Variants in GSE1 observed in about 807,000 individuals in gnomAD.
The protein encoded by GSE1 is genetic suppressor element 1.
In GSE1, 32 loss-of-function variants were observed where a neutral mutation model predicts 112.6. The ratio of observed to expected loss-of-function variants is 0.28; its 90% CI spans 0.21 to 0.38. The LOEUF (loss-of-function observed/expected upper bound fraction) is 0.38. Among genes scored for constraint, GSE1 ranks in the 10% least tolerant of loss-of-function variants. GSE1 has a pLI of 1.00. For synonymous variants in GSE1, 1,115 were observed against 735.6 expected, an observed-to-expected ratio of 1.52 and a Z score of -8.35; for missense variants, 2,348 against 1,699.2, an observed-to-expected ratio of 1.38 and a Z score of -6.71.
At position 85,305,204 on chromosome 16, in the gene GSE1, T is replaced by G. The variant is rs570702101; in HGVS notation, c.2284-52259T>G. ...CACGTGAGAATCACCTGGAGAGCTC[T>G]CCACAAAATACTGATGTCCTGGCCT... On this transcript the variant is annotated intron_variant, in intron 1 of 2. Coordinates refer to the GSE1 transcript ENST00000637419. Among the ~76,000 whole-genome samples, 177 of 152,316 alleles carry G rather than the reference T, an allele frequency of 1.2e-3. 2 individuals carry two copies. Among genetic ancestry groups the G allele is most frequent in the African/African-American group, 4.0e-3 (168 of 41,576 alleles).
chr16:85,465,079 G>A (rs1223178461), intron 2 of GSE1, among the ~76,000 whole-genome samples: 4 of 152,192 alleles, frequency 2.6e-5, no homozygotes, highest in South Asian at 4.1e-4. Context: ...TCAGGGTCAC[G>A]CCCCCAGCCA....
At chr16:85,187,473 C>T (rs775020191) in intron 1 of GSE1, among the ~76,000 whole-genome samples, 1 of 152,228 alleles carries the variant, frequency 6.6e-6, no homozygotes, top group Admixed American at 6.5e-5. Context: ...AAGTTTTTCC[C>T]GTGACGAAGC....
chr16:85,319,226 A>G (rs2151495529), intron 1 of GSE1, among the ~76,000 whole-genome samples: 1 of 152,374 alleles, frequency 6.6e-6, no homozygotes, highest in East Asian at 1.9e-4. Context: ...ATCAGTTGTC[A>G]GAAATTTGTG....
intron 1 of GSE1, among the ~76,000 whole-genome samples, chr16:85,291,459 G>A (rs1414618673): frequency 6.6e-6 from 1 of 152,122 alleles, no homozygotes; most frequent in Non-Finnish European, 1.5e-5. Flanking sequence ...AGGGGACGCC[G>A]CCCTCCCCAG....
intron 2 of GSE1, among the ~76,000 whole-genome samples, chr16:85,395,392 A>G (rs1490647026): frequency 1.3e-5 from 2 of 152,162 alleles, no homozygotes; most frequent in African/African-American, 2.4e-5. Context: ...GAAGGACCAT[A>G]GGAATCTCCC....
At chr16:85,538,201 G>A (rs760598109) in intron 2 of GSE1, among the ~76,000 whole-genome samples, 1 of 152,202 alleles carries the variant, frequency 6.6e-6, no homozygotes, top group African/African-American at 2.4e-5. Flanking sequence ...GTGGCCGCCC[G>A]GCTGGCCCGC....
chr16:85,554,795 A>G (rs549052101), upstream of GSE1: 838 of 679,464 alleles, frequency 1.2e-3, 1 homozygote, highest in Admixed American at 5.2e-3. Context: ...GGGAGGGAGG[A>G]CGGACGGGCG....
intron 1 of GSE1, among the ~76,000 whole-genome samples, chr16:85,624,982 A>G (rs1294008771): frequency 1.2e-4 from 18 of 152,222 alleles, no homozygotes; most frequent in Admixed American, 7.2e-4. Context: ...AAGTAAGGGT[A>G]CAGGTAGCCG....
chr16:85,602,251 G>A (rs937976665), intron 1 of GSE1, among the ~76,000 whole-genome samples: 25 of 152,168 alleles, frequency 1.6e-4, no homozygotes, highest in Admixed American at 1.6e-3. Flanking sequence ...GCGGGGGCCA[G>A]GCAGGGAGGA....
Position 85,658,112 on chromosome 16 carries a change from CTG to C in GSE1, c.1640+513_1640+514del, listed in dbSNP as rs557222004. ...CTTTATGAAAGCATTTCCCAGGAAA[CTG>C]TGTGGTGGTCCCTTGGACCCCGGCT... On this transcript the variant is annotated intron_variant, in intron 8 of 15. Coordinates refer to ENST00000253458, the MANE Select transcript of GSE1 (RefSeq NM_014615.5). Among the ~76,000 whole-genome samples, 15 of 152,330 alleles carry C rather than the reference CTG, an allele frequency of 9.8e-5. No homozygotes were observed. In the South Asian group the frequency reaches 2.5e-3, roughly 25 times the overall value.
chr16:85,568,678 C>G (rs1457571863), intron 1 of GSE1, among the ~76,000 whole-genome samples: 2 of 152,154 alleles, frequency 1.3e-5, no homozygotes, highest in Non-Finnish European at 2.9e-5. Flanking sequence ...CTTGGGAAAC[C>G]CTTCCCCATT....
intron 1 of GSE1, among the ~76,000 whole-genome samples, chr16:85,236,853 G>T (rs73257946): frequency 3.1e-3 from 465 of 152,138 alleles, no homozygotes; most frequent in African/African-American, 0.011. Context: ...TGGGACCTCT[G>T]CCTGGCTCCC....
Position 85,665,096 on chromosome 16 carries a change from C to T in GSE1, c.2726C>T (p.Ser909Phe), listed in dbSNP as rs373929359. 40 of 1,610,008 alleles carry T rather than the reference C, an allele frequency of 2.5e-5. No individual in the cohort carries two copies. The highest frequency in any genetic ancestry group is 3.4e-6 in the Non-Finnish European group (4 of 1,176,708). ...GCAGTGGCCGACTCCTTGACAAACT[C>T]TCCGAGGGACAGTCCTGCCGTCTCC... is the stretch of plus-strand genomic sequence containing the variant. ...SAAVADSLTN[S>F]PRDSPAVSLS... The change falls in exon 12 of 16, where the codon TCT becomes TTT. Residue 909 changes from serine (S) to phenylalanine (F), a missense_variant. Physicochemically the swap from Ser to Phe is radical, Grantham distance 155. Coordinates refer to ENST00000253458, the MANE Select transcript of GSE1 (RefSeq NM_014615.5).
chr16:85,412,787 C>T (rs1030877571), intron 2 of GSE1, among the ~76,000 whole-genome samples: 3 of 152,134 alleles, frequency 2.0e-5, no homozygotes, highest in African/African-American at 7.2e-5. Context: ...TCGCTGACCT[C>T]TCCAGTGCAA....
At chr16:85,358,217 G>A (rs1264014187) in intron 2 of GSE1, among the ~76,000 whole-genome samples, 2 of 152,194 alleles carry the variant, frequency 1.3e-5, no homozygotes, top group South Asian at 2.1e-4. Context: ...GAGGCCAGGC[G>A]AGGCTGTGCC....
intron 1 of GSE1, among the ~76,000 whole-genome samples, chr16:85,575,320 A>C (rs1305632077): frequency 1.3e-5 from 2 of 152,116 alleles, no homozygotes; most frequent in African/African-American, 4.8e-5. Flanking sequence ...TTACCCGGGG[A>C]GTTCTGGCGG....
intron 1 of GSE1, among the ~76,000 whole-genome samples, chr16:85,622,831 G>A (rs567168980): frequency 6.6e-6 from 1 of 152,198 alleles, no homozygotes; most frequent in Non-Finnish European, 1.5e-5. Flanking sequence ...TGGAGTTACC[G>A]TGTCGATGAC....
chr16:85,276,066 C>G (rs9941031), intron 1 of GSE1, among the ~76,000 whole-genome samples: 17,496 of 152,256 alleles, frequency 0.11, 2,360 homozygotes, highest in African/African-American at 0.33. Flanking sequence ...AAAAGATGGT[C>G]CTGGTAGATT....
chr16:85,668,261 G>A lies in GSE1; in HGVS notation c.3252G>A (p.Glu1084=), dbSNP rs2053043661. The change falls in exon 14 of 16, where the codon GAG becomes GAA. Residue 1084 remains glutamate, a synonymous_variant. Transcript: ENST00000253458. ...CACCCCAGCACAATGGGCAGCAGGA[G>A]CCCCCCACTGCAAGGAAGGGCCCCC... ...APPPQHNGQQ[E]PPTARKGPPT... is the part of the protein sequence containing the mutation. The A allele has an allele frequency of 1.2e-6, 2 of 1,612,598 alleles. No homozygotes were observed.
Sources: allele counts gnomAD v4.1 joint callset (sites outside exome capture counted in the v4.1 genomes callset), GRCh38; gene constraint gnomAD v4.1.1; transcripts MANE v1.5; gene names NCBI Gene and HGNC (gene_info 2026-07-23, HGNC 2026-07-21).